TBCK: variants seen among roughly 807,000 people sequenced by gnomAD.
TBCK encodes TBC1 domain containing kinase, also known as TBC domain-containing protein kinase-like protein.
In TBCK, 99 loss-of-function variants were observed where a neutral mutation model predicts 113.4. The observed-to-expected ratio is 0.87, with a 90% CI of 0.74 to 1.03. TBCK has a LOEUF of 1.03. Among genes scored for constraint, TBCK ranks in the 50% least tolerant of loss-of-function variants. TBCK has a pLI of 0.00. For missense variants in TBCK, 1,045 were observed against 1,061.3 expected (o/e 0.98, Z 0.21); for synonymous variants, 369 against 370.8 (o/e 1.00, Z 0.05).
intron 23 of TBCK, among the ~76,000 whole-genome samples, chr4:106,141,162 T>C (rs1307232446): frequency 7.1e-6 from 1 of 139,932 alleles, no homozygotes; most frequent in Non-Finnish European, 1.6e-5. Flanking sequence ...TTATTTAATA[T>C]TGTTCTAGAG....
chr4:106,074,515 C>T (rs886308396), intron 25 of TBCK, among the ~76,000 whole-genome samples: 43 of 151,982 alleles, frequency 2.8e-4, no homozygotes, highest in African/African-American at 1.0e-3. Flanking sequence ...ATTTTTAGCC[C>T]CTTTTATGAT....
At chr4:106,310,535 T>A (rs1354480852) in intron 1 of TBCK, 45 of 152,290 alleles carry the variant, frequency 3.0e-4, no homozygotes, top group Non-Finnish European at 2.9e-5. Context: ...AAGATAAGGT[T>A]CTTCCCTAAA....
At chr4:106,169,901 A>G (rs187222777) in intron 23 of TBCK, among the ~76,000 whole-genome samples, 20 of 152,180 alleles carry the variant, frequency 1.3e-4, no homozygotes, top group Admixed American at 6.6e-4. Flanking sequence ...GCAGTTCACA[A>G]GAGGATTTGT....
chr4:106,245,496 A>G (rs897730556), intron 10 of TBCK, among the ~76,000 whole-genome samples: 4 of 152,142 alleles, frequency 2.6e-5, no homozygotes, highest in Non-Finnish European at 4.4e-5. Flanking sequence ...CAGTCCTACA[A>G]TTTAGGTCTC....
intron 25 of TBCK, among the ~76,000 whole-genome samples, chr4:106,057,604 C>T (rs1735579027): frequency 1.3e-5 from 2 of 151,594 alleles, no homozygotes; most frequent in African/African-American, 4.8e-5. Flanking sequence ...GTGCTGTTTC[C>T]TTTGCTTGAA....
intron 22 of TBCK, among the ~76,000 whole-genome samples, chr4:106,173,213 T>C (rs1303566041): frequency 7.9e-5 from 12 of 152,126 alleles, no homozygotes; most frequent in Admixed American, 7.9e-4. Context: ...ATAGTGAAGC[T>C]CTCTAACAAT....
intron 20 of TBCK, among the ~76,000 whole-genome samples, chr4:106,195,482 A>ATGTGTGTG (rs34628860): frequency 5.8e-3 from 12 of 2,060 alleles, no homozygotes; most frequent in Non-Finnish European, 0.02. Context: ...ATCTGGTTAA[A>ATGTGTGTG]TGTGTGTGTT....
chr4:106,121,958 A>G (rs1483551244), intron 23 of TBCK, among the ~76,000 whole-genome samples: 1 of 152,242 alleles, frequency 6.6e-6, no homozygotes, highest in Non-Finnish European at 1.5e-5. Context: ...CATCACAATT[A>G]AAAGAACTAG....
At chr4:106,114,535 G>T (rs1743254029) in intron 24 of TBCK, among the ~76,000 whole-genome samples, 1 of 152,136 alleles carries the variant, frequency 6.6e-6, no homozygotes, top group African/African-American at 2.4e-5. Flanking sequence ...GGCTACAGCT[G>T]CTGACTCTTT....
intron 20 of TBCK, among the ~76,000 whole-genome samples, chr4:106,195,082 A>G (rs1754065228): frequency 6.6e-6 from 1 of 152,024 alleles, no homozygotes; most frequent in Non-Finnish European, 1.5e-5. Flanking sequence ...TTCTGTCCAT[A>G]AATCTTCCAC....
Position 106,244,720 on chromosome 4 carries a change from A to G in TBCK, c.976T>C (p.Tyr326His), listed in dbSNP as rs753594282. The change falls in exon 11 of 26, where the codon TAT (tyrosine) becomes CAT (histidine). Residue 326 changes from tyrosine to histidine, a missense_variant. Physicochemically the swap from Tyr to His is moderately conservative, Grantham distance 83 (BLOSUM62 2). Transcript: ENST00000394708. ...CCTCCAGCCAAACACCAAAGGTAAT[A>G]CACTTCTTCAATAGATCTTTCTGCC... ...YLAERSIEEV[Y>H]YLWCLAGGDL... 1 of 1,604,090 alleles carries G rather than the reference A, an allele frequency of 6.2e-7. No homozygotes were observed. The highest frequency in any genetic ancestry group is 8.5e-7 in the Non-Finnish European group (1 of 1,173,768).
At chr4:106,304,012 G>A (rs954897377) in intron 2 of TBCK, among the ~76,000 whole-genome samples, 39 of 152,010 alleles carry the variant, frequency 2.6e-4, no homozygotes, top group African/African-American at 8.5e-4. Flanking sequence ...ACATACACAC[G>A]GTTCTCCTTT....
chr4:106,316,541 G>GACCTA, upstream of TBCK: 1 of 1,551,530 alleles, frequency 6.4e-7, no homozygotes. Context: ...CGGGTGGCTG[G>GACCTA]ACCTACATGC....
intron 10 of TBCK, among the ~76,000 whole-genome samples, chr4:106,245,058 C>G (rs1760647389): frequency 6.6e-6 from 1 of 152,136 alleles, no homozygotes; most frequent in African/African-American, 2.4e-5. Flanking sequence ...CTATGGCATT[C>G]TGGAACAGAC....
chr4:106,254,669 T>A (rs543561003), intron 5 of TBCK, among the ~76,000 whole-genome samples: 1 of 152,254 alleles, frequency 6.6e-6, no homozygotes, highest in South Asian at 2.1e-4. Flanking sequence ...TCATTTTTCA[T>A]ATGATGTCAG....
intron 23 of TBCK, among the ~76,000 whole-genome samples, chr4:106,131,019 A>C (rs1201664290): frequency 1.3e-5 from 2 of 152,156 alleles, no homozygotes; most frequent in Non-Finnish European, 2.9e-5. Flanking sequence ...CTCACCTTGA[A>C]CTGTAGTAAT....
intron 16 of TBCK, among the ~76,000 whole-genome samples, chr4:106,233,323 T>C (rs756696099): frequency 3.9e-5 from 6 of 152,084 alleles, no homozygotes; most frequent in Non-Finnish European, 8.8e-5. Flanking sequence ...TTCAAAAATA[T>C]TTTCCTTTAT....
intron 1 of TBCK, among the ~76,000 whole-genome samples, chr4:106,314,372 A>C (rs1768521838): frequency 6.6e-6 from 1 of 152,194 alleles, no homozygotes; most frequent in Non-Finnish European, 1.5e-5. Context: ...ACTCTTCCAA[A>C]ATTCAGAGGA....
chr4:106,266,583 G>A (rs1560937264), intron 3 of TBCK, among the ~76,000 whole-genome samples: 1 of 151,820 alleles, frequency 6.6e-6, no homozygotes, highest in Non-Finnish European at 1.5e-5. Context: ...TGTTAAAAAT[G>A]AGCTGATGAA....
Sources: gnomAD v4.1 joint callset for allele counts (sites outside exome capture counted in the v4.1 genomes callset) on GRCh38, gnomAD v4.1.1 for gene constraint, MANE v1.5 for transcripts, NCBI Gene and HGNC (gene_info 2026-07-23, HGNC 2026-07-21) for gene names.